MTA3: variants seen among roughly 807,000 people sequenced by gnomAD.
MTA3 encodes the protein metastasis associated 1 family member 3, also known as metastasis-associated protein MTA3.
MTA3 carries 34 observed loss-of-function variants against 83.5 expected under a neutral mutation model. The ratio of observed to expected loss-of-function variants is 0.41; its 90% CI spans 0.31 to 0.54. The LOEUF (loss-of-function observed/expected upper bound fraction) is 0.54, where lower values mean the gene tolerates loss of function less well. Ranked by LOEUF, MTA3 falls within the 20% of genes least tolerant of loss-of-function variation. The pLI is 0.33. For missense variants in MTA3, 761 were observed against 726.4 expected (o/e 1.05, Z -0.55); for synonymous variants, 303 against 252.7 (o/e 1.20, Z -1.89).
At chr2:42,617,121 T>TA (rs1463097061) in intron 4 of MTA3, among the ~76,000 whole-genome samples, 1 of 152,178 alleles carries the variant, frequency 6.6e-6, no homozygotes, top group Non-Finnish European at 1.5e-5. Context: ...ATAGGAAAGG[T>TA]TCTAGCCTAT....
intron 8 of MTA3, among the ~76,000 whole-genome samples, chr2:42,667,015 A>G (rs1441191209): frequency 6.6e-6 from 1 of 152,174 alleles, no homozygotes; most frequent in Non-Finnish European, 1.5e-5. Context: ...AGCTGTACAC[A>G]CACAGTCTGA....
intron 9 of MTA3, 191 bp downstream of exon 9, chr2:42,682,780 C>T: frequency 1.7e-6 from 1 of 583,052 alleles, no homozygotes; most frequent in Non-Finnish European, 3.0e-6. Flanking sequence ...GTAGTAAGAC[C>T]CACGCTATCA....
intron 2 of MTA3, among the ~76,000 whole-genome samples, chr2:42,552,623 C>CAAAAA (rs536783114): frequency 6.8e-5 from 6 of 88,398 alleles, no homozygotes; most frequent in African/African-American, 2.4e-4. Context: ...ACTCCTTGTC[C>CAAAAA]AAAAAAAAAA....
At chr2:42,524,401 C>T (rs1558413094) in intron 2 of MTA3, among the ~76,000 whole-genome samples, 1 of 151,220 alleles carries the variant, frequency 6.6e-6, no homozygotes, top group South Asian at 2.1e-4. Context: ...CCTGGGTTCA[C>T]GCCATTCTCC....
intron 11 of MTA3, among the ~76,000 whole-genome samples, chr2:42,700,960 T>C (rs1693811019): frequency 1.3e-5 from 2 of 152,018 alleles, no homozygotes; most frequent in Admixed American, 6.6e-5. Context: ...TATCCAGACA[T>C]GGAGGCAAAT....
At position 42,665,856 on chromosome 2, in the gene MTA3, A is replaced by G. The variant is rs142046657; in HGVS notation, c.702+5994A>G. Among the ~76,000 whole-genome samples the G allele has an allele frequency of 2.1e-4, 32 of 152,374 alleles. No individual in the cohort carries two copies. In the East Asian group the frequency reaches 5.8e-3, roughly 28 times the overall value. On this transcript the variant is annotated intron_variant, in intron 8 of 16. Transcript: ENST00000405094. ...CTGACATTTAATTGGTGACATAATC[A>G]GGACTAGAAATTTAGGTTGCCTAAT...
chr2:42,572,957 A>T (rs991615861), intron 2 of MTA3, among the ~76,000 whole-genome samples: 1 of 152,004 alleles, frequency 6.6e-6, no homozygotes, highest in Non-Finnish European at 1.5e-5. Context: ...TGAACTCCTG[A>T]CCTCAGGTGA....
chr2:42,737,274 G>T (rs1020827708), intron 16 of MTA3, among the ~76,000 whole-genome samples: 1 of 152,190 alleles, frequency 6.6e-6, no homozygotes, highest in African/African-American at 2.4e-5. Context: ...TTAACCCACA[G>T]TGGAAGGGCT....
chr2:42,696,845 T>A (rs1693429791), intron 10 of MTA3, among the ~76,000 whole-genome samples: 1 of 152,030 alleles, frequency 6.6e-6, no homozygotes, highest in South Asian at 2.1e-4. Flanking sequence ...GTGTCAATAT[T>A]AATATAATTC....
At position 42,738,997 on chromosome 2, in the gene MTA3, C is replaced by T. The variant is rs140706305; in HGVS notation, c.1760-14377C>T. 2.2e-3 allele frequency among the ~76,000 whole-genome samples: 334 copies of T among 152,306 alleles called. 8 individuals carry two copies. The East Asian group carries it at 0.056, about 25-fold the overall frequency. The stretch of plus-strand genomic sequence containing the variant: ...GAAACTTCATTAGCAATTTTAATTT[C>T]GCCTGGGTCCTGTGGTCCTGTGATC... On this transcript the variant is annotated intron_variant, in intron 16 of 16. Transcript: ENST00000405094.
chr2:42,572,788 C>T (rs757139834), intron 2 of MTA3, among the ~76,000 whole-genome samples: 2 of 152,042 alleles, frequency 1.3e-5, no homozygotes, highest in South Asian at 2.1e-4. Context: ...AGTGCAATGG[C>T]GCAATCTTGG....
intron 3 of MTA3, among the ~76,000 whole-genome samples, chr2:42,608,939 G>A (rs1683839744): frequency 6.6e-6 from 1 of 151,952 alleles, no homozygotes; most frequent in Non-Finnish European, 1.5e-5. Flanking sequence ...TATATTTTTG[G>A]GGTACCATCT....
chr2:42,518,987 A>T (rs1168325822), intron 2 of MTA3, among the ~76,000 whole-genome samples: 1 of 94,378 alleles, frequency 1.1e-5, no homozygotes, highest in Non-Finnish European at 2.2e-5. Context: ...ACACACACAC[A>T]CACACACACA....
rs1383158043 is a variant in MTA3, at chr2:42,707,752, A to G, written c.1151-151A>G. 17 of 819,646 alleles carry G rather than the reference A, an allele frequency of 2.1e-5. No homozygotes were observed. In the East Asian group the frequency reaches 4.0e-4, roughly 19 times the overall value. The allele number at this position is 819,646 out of a possible 1,614,324, so 50.8% of individuals were successfully genotyped here. A position where few individuals can be genotyped will look rare whatever the true frequency, so the allele number is the denominator to read the frequency against. ...TTAATGAATTCTGAGTATTAAAAAA[A>G]CAAATATACTATTATGTTTGGCTTG... is the stretch of plus-strand genomic sequence containing the variant. On this transcript the variant is annotated intron_variant, in intron 12 of 16. Transcript: ENST00000405094.
At chr2:42,623,048 G>A (rs570256771) in intron 4 of MTA3, among the ~76,000 whole-genome samples, 1 of 152,332 alleles carries the variant, frequency 6.6e-6, no homozygotes, top group South Asian at 2.1e-4. Context: ...ATGTAATGAG[G>A]AAAAGGTAGT....
At chr2:42,718,453 A>G (rs573806431) in intron 14 of MTA3, among the ~76,000 whole-genome samples, 12 of 150,100 alleles carry the variant, frequency 8.0e-5, no homozygotes, top group African/African-American at 2.4e-4. Flanking sequence ...TCCATGTTGG[A>G]CAGGCTGGTC....
At chr2:42,549,551 T>C (rs1490713251) in intron 2 of MTA3, among the ~76,000 whole-genome samples, 1 of 113,370 alleles carries the variant, frequency 8.8e-6, no homozygotes, top group Non-Finnish European at 1.6e-5. Flanking sequence ...TTACATAATA[T>C]ATATTATATA....
At chr2:42,714,165 C>T (rs1666856957) in intron 14 of MTA3, among the ~76,000 whole-genome samples, 1 of 152,138 alleles carries the variant, frequency 6.6e-6, no homozygotes, top group African/African-American at 2.4e-5. Flanking sequence ...AAATCTTTGC[C>T]TATATTTGAA....
chr2:42,661,815 C>T (rs940486357), intron 8 of MTA3, among the ~76,000 whole-genome samples: 3 of 151,924 alleles, frequency 2.0e-5, no homozygotes, highest in African/African-American at 7.3e-5. Flanking sequence ...TATAAGGGCA[C>T]CTAAAGCAAA....
Sources: gnomAD v4.1 joint callset for allele counts (sites outside exome capture counted in the v4.1 genomes callset) on GRCh38, gnomAD v4.1.1 for gene constraint, MANE v1.5 for transcripts, NCBI Gene and HGNC (gene_info 2026-07-23, HGNC 2026-07-21) for gene names.